SCAPER: variants seen among roughly 807,000 people sequenced by gnomAD.
The protein encoded by SCAPER is S-phase cyclin A associated protein in the ER.
In SCAPER, 98 loss-of-function variants were observed where a neutral mutation model predicts 182.2. The observed-to-expected ratio is 0.54, with a 90% CI of 0.46 to 0.64. The LOEUF (loss-of-function observed/expected upper bound fraction) is 0.64. Ranked by LOEUF, SCAPER falls within the 30% of genes least tolerant of loss-of-function variation. The pLI is 0.00. For missense variants in SCAPER, 1,432 were observed against 1,690.0 expected, an observed-to-expected ratio of 0.85 and a Z score of 2.68; for synonymous variants, 605 against 564.6, an observed-to-expected ratio of 1.07 and a Z score of -1.01.
intron 5 of SCAPER, among the ~76,000 whole-genome samples, chr15:76,807,891 A>G (rs1277457668): frequency 6.6e-6 from 1 of 152,084 alleles, no homozygotes; most frequent in Non-Finnish European, 1.5e-5. Flanking sequence ...CTAAGAATTA[A>G]TACTTTTTGT....
intron 2 of SCAPER, among the ~76,000 whole-genome samples, chr15:76,878,396 G>T (rs375151946): frequency 6.7e-6 from 1 of 149,852 alleles, no homozygotes; most frequent in Non-Finnish European, 1.5e-5. Context: ...TACCAAAAAT[G>T]ATACAGGGGA....
chr15:76,880,525 T>C (rs1277680840), intron 2 of SCAPER, among the ~76,000 whole-genome samples: 1 of 152,210 alleles, frequency 6.6e-6, no homozygotes, highest in Non-Finnish European at 1.5e-5. Flanking sequence ...GACTATCTGT[T>C]GTGTATGATC....
At chr15:76,716,394 A>G (rs2059890234) in intron 17 of SCAPER, among the ~76,000 whole-genome samples, 1 of 152,178 alleles carries the variant, frequency 6.6e-6, no homozygotes, top group Non-Finnish European at 1.5e-5. Flanking sequence ...GGGTCACAAG[A>G]AACATGAAAA....
chr15:76,879,834 C>T (rs2151947612), intron 2 of SCAPER, among the ~76,000 whole-genome samples: 1 of 152,220 alleles, frequency 6.6e-6, no homozygotes, highest in Admixed American at 6.5e-5. Context: ...CCAACTTGTA[C>T]TCCTTTGTAA....
chr15:76,856,432 CATATAT>C (rs1226887990), intron 4 of SCAPER, among the ~76,000 whole-genome samples: 1 of 151,262 alleles, frequency 6.6e-6, no homozygotes, highest in Non-Finnish European at 1.5e-5. Context: ...AATACATATA[CATATAT>C]AAGAAATATA....
intron 22 of SCAPER, among the ~76,000 whole-genome samples, chr15:76,595,338 G>C: frequency 8.3e-6 from 1 of 121,162 alleles, no homozygotes; most frequent in Non-Finnish European, 2.0e-5. Flanking sequence ...CGTACAAAGA[G>C]ACTTAGACCC....
At chr15:76,567,101 A>G (rs971593202) in intron 23 of SCAPER, among the ~76,000 whole-genome samples, 1 of 152,118 alleles carries the variant, frequency 6.6e-6, no homozygotes, top group Admixed American at 6.5e-5. Flanking sequence ...AAAACAATAT[A>G]AGTCCTTTTG....
chr15:76,814,974 A>G (rs1047869561), intron 5 of SCAPER, among the ~76,000 whole-genome samples: 7 of 152,118 alleles, frequency 4.6e-5, no homozygotes, highest in Non-Finnish European at 1.0e-4. Flanking sequence ...TTTTTTTCCA[A>G]AGAAAACATA....
chr15:76,357,870 A>G (rs2041109043), intron 29 of SCAPER, among the ~76,000 whole-genome samples: 1 of 152,230 alleles, frequency 6.6e-6, no homozygotes, highest in African/African-American at 2.4e-5. Flanking sequence ...GTTTTTGCCT[A>G]TAAGTGGGAG....
At chr15:76,812,492 AAAAAAAAAG>A (rs2066704818) in intron 5 of SCAPER, among the ~76,000 whole-genome samples, 1 of 148,474 alleles carries the variant, frequency 6.7e-6, no homozygotes, top group African/African-American at 2.4e-5. Context: ...TGAAAAAAAA[AAAAAAAAAG>A]AAAGAAAGAA....
Position 76,592,464 on chromosome 15 carries a change from C to T in SCAPER, c.2712-18180G>A, listed in dbSNP as rs2049191315. Among the ~76,000 whole-genome samples the T allele has an allele frequency of 3.3e-5, 4 of 122,778 alleles. 2 individuals carry two copies. The highest frequency in any genetic ancestry group is 1.0e-4 in the African/African-American group (4 of 40,044). The allele number at this position is 122,778 out of a possible 152,430, so 80.5% of individuals were successfully genotyped here. On this transcript the variant is annotated intron_variant, in intron 22 of 31. Coordinates refer to ENST00000563290, the MANE Select transcript of SCAPER (RefSeq NM_020843.4). ...ACAAAGCCTAAAATATAGACCCTCA[C>T]TTTAGGCCCACAAACCCTAAAATAT...
intron 2 of SCAPER, among the ~76,000 whole-genome samples, chr15:76,874,888 A>G (rs2073033411): frequency 6.6e-6 from 1 of 152,102 alleles, no homozygotes; most frequent in South Asian, 2.1e-4. Context: ...ACTGGAGCCC[A>G]GGAGTTCAAG....
At chr15:76,445,316 C>G (rs1388524398) in intron 25 of SCAPER, among the ~76,000 whole-genome samples, 1 of 152,158 alleles carries the variant, frequency 6.6e-6, no homozygotes, top group African/African-American at 2.4e-5. Flanking sequence ...CTTTAAAATC[C>G]ATGTAAGAAT....
chr15:76,697,790 T>C (rs1034957540), intron 20 of SCAPER, among the ~76,000 whole-genome samples: 20 of 152,082 alleles, frequency 1.3e-4, no homozygotes, highest in African/African-American at 4.8e-4. Context: ...CAGGCGCGCG[T>C]CACCATGCCC....
chr15:76,531,731 G>A (rs549696724), intron 23 of SCAPER, among the ~76,000 whole-genome samples: 3 of 152,118 alleles, frequency 2.0e-5, no homozygotes, highest in Non-Finnish European at 2.9e-5. Flanking sequence ...ATTGCCCAGA[G>A]ATATTTTATT....
intron 14 of SCAPER, among the ~76,000 whole-genome samples, chr15:76,755,086 C>T (rs2062336657): frequency 6.6e-6 from 1 of 152,076 alleles, no homozygotes; most frequent in African/African-American, 2.4e-5. Flanking sequence ...CTATGATTTT[C>T]TTGCATGAAT....
rs2040807836 is a variant in SCAPER at position 76,354,291 on chromosome 15, A to C, written c.3856-151T>G. The C allele has an allele frequency of 1.8e-6, 1 of 560,472 alleles. No individual in the cohort carries two copies. The highest frequency in any genetic ancestry group is 2.0e-5 in the African/African-American group (1 of 50,496). The allele number at this position is 560,472 out of a possible 1,614,324, so 34.7% of individuals were successfully genotyped here. ...TCCGTACCAGAGCTTAATTTAAGTGATACTTGAAAAGAGCAGAAAAAAAAA... is the reference window on the plus strand; with the variant it reads ...TCCGTACCAGAGCTTAATTTAAGTGCTACTTGAAAAGAGCAGAAAAAAAAA... On this transcript the variant is annotated intron_variant, in intron 29 of 31. Coordinates refer to ENST00000563290, the MANE Select transcript of SCAPER (RefSeq NM_020843.4). The surrounding 1 kb of genome is among the most constrained non-coding windows in gnomAD (Gnocchi z 4.4).
intron 5 of SCAPER, among the ~76,000 whole-genome samples, chr15:76,841,039 G>A (rs2069426036): frequency 6.6e-6 from 1 of 152,118 alleles, no homozygotes. Context: ...TGAAACCAAA[G>A]AATGTGAAAT....
chr15:76,652,371 C>CACACATATAT (rs764864981), intron 21 of SCAPER, among the ~76,000 whole-genome samples: 2 of 8,066 alleles, frequency 2.5e-4, no homozygotes, highest in African/African-American at 5.2e-4. Context: ...CACACACACA[C>CACACATATAT]ATATATATAT....
Sources: gnomAD v4.1 joint callset for allele counts (sites outside exome capture counted in the v4.1 genomes callset) on GRCh38, gnomAD v4.1.1 for gene constraint, Gnocchi (gnomAD v3.1) non-coding constraint, MANE v1.5 for transcripts, NCBI Gene and HGNC (gene_info 2026-07-23, HGNC 2026-07-21) for gene names.